KDM4B: variants seen among roughly 807,000 people sequenced by gnomAD.
KDM4B encodes the protein lysine demethylase 4B.
A neutral mutation model predicts 125.2 loss-of-function variants in KDM4B; 32 were observed. The observed-to-expected ratio is 0.26, with a 90% CI of 0.19 to 0.34. The LOEUF is 0.34. Among genes scored for constraint, KDM4B ranks in the 10% least tolerant of loss-of-function variants. KDM4B has a pLI of 1.00. For synonymous variants in KDM4B, 721 were observed against 677.9 expected (o/e 1.06, Z -0.99); for missense variants, 1,190 against 1,577.7 (o/e 0.75, Z 4.16).
At chr19:5,040,612 C>T (rs1206495445) in intron 4 of KDM4B, among the ~76,000 whole-genome samples, 2 of 152,158 alleles carry the variant, frequency 1.3e-5, no homozygotes, top group African/African-American at 4.8e-5. Flanking sequence ...CTCCCTGGTT[C>T]AGCAGGCACA....
intron 3 of KDM4B, among the ~76,000 whole-genome samples, chr19:5,034,849 G>C (rs1461613881): frequency 1.3e-5 from 2 of 152,212 alleles, no homozygotes; most frequent in African/African-American, 4.8e-5. Context: ...GAGGGGGTCT[G>C]GCTCTGTCGC....
intron 11 of KDM4B, among the ~76,000 whole-genome samples, chr19:5,123,733 T>G (rs148199247): frequency 1.2e-4 from 19 of 152,324 alleles, no homozygotes; most frequent in Non-Finnish European, 2.2e-4. Context: ...GCAGGCAAGC[T>G]GGGCGCCTGA....
chr19:4,974,971 G>A (rs1165714754), intron 1 of KDM4B, among the ~76,000 whole-genome samples: 1 of 151,680 alleles, frequency 6.6e-6, no homozygotes, highest in Non-Finnish European at 1.5e-5. Context: ...TTCCCTGCCC[G>A]CCCTTCCCTG....
chr19:5,111,693 G>A (rs1346790467), intron 10 of KDM4B: 1 of 745,196 alleles, frequency 1.3e-6, no homozygotes, highest in Admixed American at 1.8e-5. Flanking sequence ...CTGGAGCCGG[G>A]AGGGACGGCA....
intron 9 of KDM4B, among the ~76,000 whole-genome samples, chr19:5,087,347 G>A (rs1432332293): frequency 6.6e-6 from 1 of 152,206 alleles, no homozygotes; most frequent in African/African-American, 2.4e-5. Context: ...TGTGGGGGAG[G>A]TACGGCTGTG....
At chr19:5,125,272 G>A (rs1015576195) in intron 11 of KDM4B, among the ~76,000 whole-genome samples, 3 of 152,106 alleles carry the variant, frequency 2.0e-5, no homozygotes, top group South Asian at 2.1e-4. Context: ...CAGCCCCGGC[G>A]TTACCTGCTC....
chr19:5,030,319 C>T (rs2036411523), intron 2 of KDM4B, among the ~76,000 whole-genome samples: 1 of 152,234 alleles, frequency 6.6e-6, no homozygotes, highest in Admixed American at 6.5e-5. Flanking sequence ...TTGGGCCGTC[C>T]AGCCCTGCCC....
intron 6 of KDM4B, among the ~76,000 whole-genome samples, chr19:5,053,454 C>T (rs764522681): frequency 6.6e-6 from 1 of 152,208 alleles, no homozygotes; most frequent in East Asian, 1.9e-4. Context: ...GAGAGCAGAT[C>T]AGACCAGTAG....
Position 5,009,211 on chromosome 19 carries a change from G to A in KDM4B, c.-108-7046G>A, listed in dbSNP as rs929308985. On this transcript the variant is annotated intron_variant, in intron 1 of 22. Coordinates refer to ENST00000159111, the MANE Select transcript of KDM4B (RefSeq NM_015015.3). Reference sequence around the variant, plus strand: ...ATTCCAGGTGTGAGCCACCGCTCCCGGCCTATTCCCTGCTTCCTTTATTGA... The same window carrying A: ...ATTCCAGGTGTGAGCCACCGCTCCCAGCCTATTCCCTGCTTCCTTTATTGA... 4.6e-5 allele frequency among the ~76,000 whole-genome samples: 7 copies of A among 152,094 alleles called. No individual in the cohort carries two copies. The East Asian group carries it at 7.7e-4, about 17-fold the overall frequency.
intron 1 of KDM4B, among the ~76,000 whole-genome samples, chr19:4,972,913 G>A (rs2034310880): frequency 6.6e-6 from 1 of 152,190 alleles, no homozygotes; most frequent in East Asian, 1.9e-4. Flanking sequence ...CCCGGCATCT[G>A]TGGGGTCTTC....
chr19:5,057,298 T>C (rs1206900919), intron 6 of KDM4B, among the ~76,000 whole-genome samples: 1 of 152,152 alleles, frequency 6.6e-6, no homozygotes, highest in Non-Finnish European at 1.5e-5. Context: ...GTCTTACAAA[T>C]GGGCTGATTT....
intron 9 of KDM4B, among the ~76,000 whole-genome samples, chr19:5,097,405 C>T (rs1237063158): frequency 6.6e-6 from 1 of 152,176 alleles, no homozygotes; most frequent in East Asian, 1.9e-4. Context: ...TATTGCACCA[C>T]CATGCCCAGC....
At position 5,038,642 on chromosome 19, in the gene KDM4B, C is replaced by G. The variant is rs370564330; in HGVS notation, c.142-1194C>G. ...GGTGGAAGTCCACGTGGCCGCCAGG[C>G]TAGAGGTCCTGGGCCATAGTCTGTC... On this transcript the variant is annotated intron_variant, in intron 3 of 22. Coordinates refer to ENST00000159111, the MANE Select transcript of KDM4B (RefSeq NM_015015.3). 5.7e-3 allele frequency among the ~76,000 whole-genome samples: 868 copies of G among 152,332 alleles called. 10 individuals are homozygous for G. The highest frequency in any genetic ancestry group is 0.02 in the African/African-American group (819 of 41,586).
intron 10 of KDM4B, chr19:5,111,396 G>A (rs1230738912): frequency 2.5e-5 from 19 of 765,140 alleles, no homozygotes; most frequent in Admixed American, 1.2e-4. Context: ...GCGTATCGCC[G>A]CACAGACCCT....
At chr19:4,984,669 G>A (rs892578036) in intron 1 of KDM4B, among the ~76,000 whole-genome samples, 2 of 152,302 alleles carry the variant, frequency 1.3e-5, no homozygotes, top group South Asian at 2.1e-4. Context: ...GCATGATGCC[G>A]CTGGGGCCCT....
chr19:4,989,658 CTTT>C, intron 1 of KDM4B, among the ~76,000 whole-genome samples: 1 of 144,560 alleles, frequency 6.9e-6, no homozygotes, highest in South Asian at 2.2e-4. Flanking sequence ...TCTTCTTCTT[CTTT>C]TTTTTTTGTG....
chr19:4,973,693 G>A lies in KDM4B; in HGVS notation c.-109+4463G>A, dbSNP rs769746325. The stretch of plus-strand genomic sequence containing the variant: ...GCTGGACTTGGTTAGATCTGGGTCC[G>A]TCTATTCCCTCCTGCTCCCTTGAGG... On this transcript the variant is annotated intron_variant, in intron 1 of 22. Coordinates refer to ENST00000159111, the MANE Select transcript of KDM4B (RefSeq NM_015015.3). 1.7e-4 allele frequency among the ~76,000 whole-genome samples: 26 copies of A among 152,188 alleles called. No homozygotes were observed. The South Asian group carries it at 4.1e-3, about 24-fold the overall frequency.
chr19:4,986,895 G>A (rs765129891), intron 1 of KDM4B, among the ~76,000 whole-genome samples: 6 of 152,248 alleles, frequency 3.9e-5, no homozygotes, highest in East Asian at 1.9e-4. Context: ...CTAGTCAGCC[G>A]TGAGGGCAAA....
At chr19:5,138,925 G>A (rs188378981) in intron 18 of KDM4B, among the ~76,000 whole-genome samples, 81 of 152,260 alleles carry the variant, frequency 5.3e-4, no homozygotes, top group Middle Eastern at 6.8e-3. Context: ...TTCTGCGACC[G>A]GCTTCTTTCT....
Sources: allele counts gnomAD v4.1 joint callset (sites outside exome capture counted in the v4.1 genomes callset), GRCh38; gene constraint gnomAD v4.1.1; transcripts MANE v1.5; gene names NCBI Gene and HGNC (gene_info 2026-07-23, HGNC 2026-07-21).